Variants in COL5A2 observed in about 807,000 individuals in gnomAD.
COL5A2 encodes the protein collagen alpha-2(V) chain.
A neutral mutation model predicts 208.2 loss-of-function variants in COL5A2; 23 were observed. The ratio of observed to expected loss-of-function variants is 0.11; its 90% CI spans 0.08 to 0.16. The LOEUF is 0.16. Ranked by LOEUF, COL5A2 falls within the 10% of genes least tolerant of loss-of-function variation. COL5A2 has a pLI of 1.00. For missense variants in COL5A2, 1,590 were observed against 1,956.4 expected (o/e 0.81, Z 3.53); for synonymous variants, 625 against 628.5 (o/e 0.99, Z 0.08).
chr2:189,043,024 G>T, intron 48 of COL5A2, 127 bp downstream of exon 48: 1 of 826,534 alleles, frequency 1.2e-6, no homozygotes, highest in Non-Finnish European at 2.0e-6. Context: ...TATTCATCAA[G>T]ATATTCTTTG....
At chr2:189,088,838 G>A in intron 7 of COL5A2, 66 bp from the exon 8 acceptor site, 4 of 1,166,642 alleles carry the variant, frequency 3.4e-6, no homozygotes, top group Non-Finnish European at 5.2e-6. Context: ...CTTTTCATAT[G>A]GATAAATGTA....
At chr2:189,220,888 T>C (rs971000155) in intron 1 of COL5A2, among the ~76,000 whole-genome samples, 3 of 152,180 alleles carry the variant, frequency 2.0e-5, no homozygotes, top group Non-Finnish European at 4.4e-5. Context: ...TAACTTATTC[T>C]CATTTTTTAG....
intron 1 of COL5A2, among the ~76,000 whole-genome samples, chr2:189,116,913 G>A (rs995471817): frequency 3.9e-5 from 6 of 152,114 alleles, no homozygotes; most frequent in African/African-American, 1.4e-4. Flanking sequence ...CTCATAGAAA[G>A]CTTCATTTCA....
chr2:189,113,886 C>A (rs991755003), intron 1 of COL5A2, among the ~76,000 whole-genome samples: 3 of 151,992 alleles, frequency 2.0e-5, no homozygotes, highest in African/African-American at 7.2e-5. Context: ...AGTAGCTTAT[C>A]TTCTTCCTTG....
chr2:189,054,012 G>T, intron 36 of COL5A2, 64 bp from the exon 37 acceptor site: 1 of 1,511,406 alleles, frequency 6.6e-7, no homozygotes, highest in Non-Finnish European at 9.2e-7. Context: ...TTAGGACATT[G>T]GTCACTGTGT....
chr2:189,143,153 T>C (rs1361451661), intron 1 of COL5A2, among the ~76,000 whole-genome samples: 3 of 152,096 alleles, frequency 2.0e-5, no homozygotes, highest in Non-Finnish European at 2.9e-5. Context: ...TGGAGGGCTG[T>C]TGTATATTGT....
At chr2:189,339,511 T>C in the COL5A2 span, among the ~76,000 whole-genome samples, 1 of 152,160 alleles carries the variant, frequency 6.6e-6, no homozygotes, top group South Asian at 2.1e-4. Context: ...ATACCAGGGA[T>C]TCAGGCTAGG....
the COL5A2 span, among the ~76,000 whole-genome samples, chr2:189,294,154 T>C: frequency 2.0e-5 from 3 of 151,636 alleles, no homozygotes; most frequent in East Asian, 5.8e-4. Context: ...CTGAACGGGC[T>C]GATAGCACAC....
the COL5A2 span, among the ~76,000 whole-genome samples, chr2:189,380,861 A>G: frequency 6.6e-6 from 1 of 151,962 alleles, no homozygotes; most frequent in South Asian, 2.1e-4. Flanking sequence ...AGAAATTTTG[A>G]ATTTGTAGAA....
At chr2:189,181,428 T>C (rs141102793), upstream of COL5A2, among the ~76,000 whole-genome samples, 9 of 152,376 alleles carry the variant, frequency 5.9e-5, no homozygotes, top group East Asian at 1.7e-3. Context: ...TAATTCTTTC[T>C]AGAATATCTT....
chr2:189,179,487 C>G (rs1484030298), intron 1 of COL5A2, 21 bp downstream of exon 1: 1 of 1,607,850 alleles, frequency 6.2e-7, no homozygotes, highest in Non-Finnish European at 8.5e-7. Context: ...ACACTACAAG[C>G]AAAGCAAATG....
At chr2:189,273,774 T>C in the COL5A2 span, among the ~76,000 whole-genome samples, 1 of 152,138 alleles carries the variant, frequency 6.6e-6, no homozygotes, top group South Asian at 2.1e-4. Context: ...CATGGGATCT[T>C]ACTTATATAT....
chr2:189,385,104 C>A, the COL5A2 span, among the ~76,000 whole-genome samples: 1 of 151,972 alleles, frequency 6.6e-6, no homozygotes, highest in South Asian at 2.1e-4. Flanking sequence ...ATATAATGAA[C>A]TAAGTTCACA....
At position 189,065,161 on chromosome 2, in the gene COL5A2, C is replaced by G. The variant is rs1340556112; in HGVS notation, c.1564-104G>C. 4 of 1,051,066 alleles carry G rather than the reference C, an allele frequency of 3.8e-6. No homozygotes were observed. The Admixed American group carries it at 7.9e-5, about 21-fold the overall frequency. The allele number at this position is 1,051,066 out of a possible 1,614,324, so 65.1% of individuals were successfully genotyped here. On this transcript the variant is annotated intron_variant, in intron 23 of 53. Transcript: ENST00000374866. ...AGCACTATAAAGTTTTAGGAGCCAT[C>G]ATCAAGCCAACATGGCTATAGATAT...
At chr2:189,040,255 T>G (rs2153506641) in intron 50 of COL5A2, among the ~76,000 whole-genome samples, 1 of 151,704 alleles carries the variant, frequency 6.6e-6, no homozygotes, top group African/African-American at 2.4e-5. Context: ...CCTGAATAGC[T>G]AGAATTACAG....
At chr2:189,261,567 T>C in the COL5A2 span, among the ~76,000 whole-genome samples, 3 of 152,214 alleles carry the variant, frequency 2.0e-5, no homozygotes, top group African/African-American at 7.2e-5. Flanking sequence ...ATGAATCAGA[T>C]GTCTGTTAGC....
intron 31 of COL5A2, among the ~76,000 whole-genome samples, chr2:189,060,136 C>CT (rs1025634457): frequency 9.2e-5 from 14 of 152,052 alleles, no homozygotes; most frequent in African/African-American, 3.4e-4. Context: ...AAAACCTTTC[C>CT]TAAAACCCCC....
the COL5A2 span, among the ~76,000 whole-genome samples, chr2:189,252,895 G>A: frequency 6.6e-6 from 1 of 152,198 alleles, no homozygotes; most frequent in Non-Finnish European, 1.5e-5. Context: ...AAGAATTGCA[G>A]ATGATGGGAC....
intron 2 of COL5A2, among the ~76,000 whole-genome samples, chr2:189,108,442 G>A (rs897544713): frequency 6.6e-6 from 1 of 151,752 alleles, no homozygotes; most frequent in African/African-American, 2.4e-5. Context: ...ACTGTCTTCT[G>A]ACACTGGATA....
Sources: allele counts gnomAD v4.1 joint callset (sites outside exome capture counted in the v4.1 genomes callset), GRCh38; gene constraint gnomAD v4.1.1; transcripts MANE v1.5; gene names NCBI Gene and HGNC (gene_info 2026-07-23, HGNC 2026-07-21).